Variants in AAK1 observed in about 807,000 individuals in gnomAD.
AAK1 encodes AP2-associated protein kinase 1.
AAK1 carries 37 observed loss-of-function variants against 116.0 expected under a neutral mutation model. The ratio of observed to expected loss-of-function variants is 0.32; its 90% CI spans 0.25 to 0.42. The LOEUF is 0.42. Ranked by LOEUF, AAK1 falls within the 10% of genes least tolerant of loss-of-function variation. AAK1 has a pLI of 1.00. For missense variants in AAK1, 919 were observed against 1,170.6 expected (o/e 0.79, Z 3.14); for synonymous variants, 458 against 439.9 (o/e 1.04, Z -0.51).
At chr2:69,618,980 C>T (rs1031163604) in intron 2 of AAK1, among the ~76,000 whole-genome samples, 2 of 152,158 alleles carry the variant, frequency 1.3e-5, no homozygotes, top group Non-Finnish European at 2.9e-5. Context: ...CAACCCCCTG[C>T]TTAGACAGGC....
intron 16 of AAK1, among the ~76,000 whole-genome samples, chr2:69,498,425 C>A (rs1675838767): frequency 6.6e-6 from 1 of 152,096 alleles, no homozygotes; most frequent in South Asian, 2.1e-4. Context: ...GTCTACTGGG[C>A]AGCTGTGATG....
intron 2 of AAK1, among the ~76,000 whole-genome samples, chr2:69,569,777 C>G (rs1226739638): frequency 5.9e-5 from 9 of 152,128 alleles, no homozygotes; most frequent in African/African-American, 2.2e-4. Context: ...TTTTACTCAT[C>G]ATAATTGTTT....
At chr2:69,568,426 T>A (rs888295069) in intron 2 of AAK1, among the ~76,000 whole-genome samples, 2 of 114,874 alleles carry the variant, frequency 1.7e-5, no homozygotes, top group African/African-American at 4.7e-5. Flanking sequence ...TGTTTTCAAC[T>A]TTTTTTTTTT....
At position 69,470,593 on chromosome 2, in the gene AAK1, G is replaced by A; in HGVS notation, c.*5276C>T. ...AAAATTATTCTTGCCAACACAAAAT[G>A]TTTAATTAAGTTGGCCTGGGTATAT... On this transcript the variant is annotated 3_prime_UTR_variant, in exon 22 of 22. Coordinates refer to ENST00000409085, the MANE Select transcript of AAK1 (RefSeq NM_014911.5). The A allele has an allele frequency of 3.0e-6, 3 of 985,408 alleles. No individual in the cohort carries two copies. Among genetic ancestry groups the A allele is most frequent in the Non-Finnish European group, 3.6e-6 (3 of 829,916 alleles). 61.0% of individuals were successfully genotyped at this position (985,408 alleles called of 1,614,324 possible).
intron 2 of AAK1, among the ~76,000 whole-genome samples, chr2:69,640,768 C>A (rs996200519): frequency 2.6e-5 from 4 of 152,344 alleles, no homozygotes; most frequent in Non-Finnish European, 4.4e-5. Context: ...ATGGTGCCAC[C>A]ACACTAACTC....
chr2:69,486,216 C>T (rs1675295643), intron 17 of AAK1, among the ~76,000 whole-genome samples: 1 of 152,130 alleles, frequency 6.6e-6, no homozygotes, highest in South Asian at 2.1e-4. Context: ...CCTGCCTCAG[C>T]CTCCTGAGTT....
intron 2 of AAK1, among the ~76,000 whole-genome samples, chr2:69,632,850 G>A (rs1013438285): frequency 6.6e-6 from 1 of 152,024 alleles, no homozygotes; most frequent in African/African-American, 2.4e-5. Flanking sequence ...TGGCTATCAC[G>A]GTGAAACCCC....
intron 15 of AAK1, among the ~76,000 whole-genome samples, chr2:69,506,631 C>T (rs547658072): frequency 1.3e-5 from 2 of 152,290 alleles, no homozygotes; most frequent in South Asian, 2.1e-4. Flanking sequence ...TCCCAAAGTA[C>T]TGGGTTACGG....
At position 69,458,927 on chromosome 2, in the gene AAK1, T is replaced by A. The variant is rs1389293824; in HGVS notation, c.*16942A>T. On this transcript the variant is annotated 3_prime_UTR_variant, in exon 22 of 22. Coordinates refer to ENST00000409085, the MANE Select transcript of AAK1 (RefSeq NM_014911.5). Reference sequence around the variant, plus strand: ...GATCCCTTTAACATGTACATATAGTTCCATTATAATGCAATGCAGGTAACA... The same window carrying A: ...GATCCCTTTAACATGTACATATAGTACCATTATAATGCAATGCAGGTAACA... 6.6e-6 allele frequency: 1 copy of A among 152,422 alleles called. No individual in the cohort carries two copies. The highest frequency in any genetic ancestry group is 1.5e-5 in the Non-Finnish European group (1 of 68,038). The allele number at this position is 152,422 out of a possible 1,614,324, so 9.4% of individuals were successfully genotyped here.
At chr2:69,550,375 G>A (rs1671124294) in intron 3 of AAK1, among the ~76,000 whole-genome samples, 1 of 152,082 alleles carries the variant, frequency 6.6e-6, no homozygotes, top group Non-Finnish European at 1.5e-5. Flanking sequence ...CGCAATCTCA[G>A]CTCACTGCAC....
At chr2:69,632,000 T>A (rs1386121431) in intron 2 of AAK1, among the ~76,000 whole-genome samples, 1 of 151,620 alleles carries the variant, frequency 6.6e-6, no homozygotes, top group Non-Finnish European at 1.5e-5. Context: ...ATAGGCTAAA[T>A]AATAAAAATA....
At position 69,536,145 on chromosome 2, in the gene AAK1, T is replaced by C. The variant is rs567223713; in HGVS notation, c.535-3983A>G. Among the ~76,000 whole-genome samples the C allele has an allele frequency of 2.6e-5, 4 of 152,204 alleles. No individual in the cohort carries two copies. In the East Asian group the frequency reaches 7.7e-4, roughly 29 times the overall value. On this transcript the variant is annotated intron_variant, in intron 5 of 21. Transcript: ENST00000409085. ...CCACCGGACTGCCAGGACCACACCC[T>C]CACCCACCGTGCTGATGTGCATTGT... is the stretch of plus-strand genomic sequence containing the variant.
rs1674795088 is a variant in AAK1 at position 69,474,908 on chromosome 2, C to T, written c.*961G>A. 1.0e-6 allele frequency: 1 copy of T among 985,626 alleles called. No individual in the cohort carries two copies. The highest frequency in any genetic ancestry group is 1.2e-6 in the Non-Finnish European group (1 of 829,914). 61.1% of individuals were successfully genotyped at this position (985,626 alleles called of 1,614,324 possible). ...TATACACAATTTACAATATTTGATT[C>T]AAAATAAAAATCACAAGAAAAATAC... On this transcript the variant is annotated 3_prime_UTR_variant, in exon 22 of 22. Coordinates refer to ENST00000409085, the MANE Select transcript of AAK1 (RefSeq NM_014911.5).
intron 18 of AAK1, 140 bp from the exon 19 acceptor site, chr2:69,481,101 T>G: frequency 1.4e-6 from 1 of 715,420 alleles, no homozygotes; most frequent in Non-Finnish European, 2.2e-6. Context: ...GCTCAAGCGA[T>G]CTATCCCACC....
At chr2:69,527,646 C>G (rs1670077825) in intron 8 of AAK1, among the ~76,000 whole-genome samples, 1 of 152,168 alleles carries the variant, frequency 6.6e-6, no homozygotes, top group South Asian at 2.1e-4. Context: ...GTTACACGGT[C>G]TTACCATGGG....
intron 18 of AAK1, 191 bp downstream of exon 18, chr2:69,482,520 C>T (rs1245855183): frequency 2.9e-6 from 2 of 686,832 alleles, no homozygotes; most frequent in East Asian, 2.7e-5. Flanking sequence ...TCAAGAAAGG[C>T]AAAAAATAGA....
In AAK1 at chr2:69,480,846, G is replaced by A. The variant is rs1455689701; in HGVS notation, c.2569+14C>T. On this transcript the variant is annotated intron_variant, in intron 19 of 21. Coordinates refer to ENST00000409085, the MANE Select transcript of AAK1 (RefSeq NM_014911.5). ...ACCGACCAGTCCCTGCAGCTGCAGA[G>A]ACACCTGACTGACCTGTGCGATTCG... 1 of 1,578,552 alleles carries A rather than the reference G, an allele frequency of 6.3e-7. No individual in the cohort carries two copies. Among genetic ancestry groups the A allele is most frequent in the Non-Finnish European group, 8.6e-7 (1 of 1,161,840 alleles).
chr2:69,466,745 G>A lies in AAK1; in HGVS notation c.*9124C>T, dbSNP rs1050703611. 3.6e-5 allele frequency: 35 copies of A among 985,268 alleles called. No individual in the cohort carries two copies. The highest frequency in any genetic ancestry group is 9.4e-5 in the South Asian group (2 of 21,294). 61.0% of individuals were successfully genotyped at this position (985,268 alleles called of 1,614,324 possible). On this transcript the variant is annotated 3_prime_UTR_variant, in exon 22 of 22. Coordinates refer to ENST00000409085, the MANE Select transcript of AAK1 (RefSeq NM_014911.5). ...GGAACACAATCAACCACTGTCTCAC[G>A]TTTTGGAACATGATAGGCACGACGT...
At chr2:69,531,966 T>C (rs1474028686) in intron 6 of AAK1, 75 bp downstream of exon 6, 7 of 1,583,520 alleles carry the variant, frequency 4.4e-6, no homozygotes, top group Admixed American at 1.7e-5. Flanking sequence ...CACCCTGACC[T>C]TCTCATCCAT....
Sources: gnomAD v4.1 joint callset for allele counts (sites outside exome capture counted in the v4.1 genomes callset) on GRCh38, gnomAD v4.1.1 for gene constraint, MANE v1.5 for transcripts, NCBI Gene and HGNC (gene_info 2026-07-23, HGNC 2026-07-21) for gene names.